PLCE1: variants seen among roughly 807,000 people sequenced by gnomAD.
PLCE1 encodes phospholipase C epsilon 1.
In PLCE1, 119 loss-of-function variants were observed where a neutral mutation model predicts 242.8. That is an observed-to-expected ratio of 0.49 (90% CI 0.42 to 0.57). The LOEUF (loss-of-function observed/expected upper bound fraction) is 0.57, where lower values mean the gene tolerates loss of function less well. Among genes scored for constraint, PLCE1 ranks in the 20% least tolerant of loss-of-function variants. The pLI is 0.00. For synonymous variants in PLCE1, 945 were observed against 1,017.4 expected, an observed-to-expected ratio of 0.93 and a Z score of 1.35; for missense variants, 2,441 against 2,788.8, an observed-to-expected ratio of 0.88 and a Z score of 2.81.
intron 2 of PLCE1, among the ~76,000 whole-genome samples, chr10:94,051,683 G>T (rs2043770825): frequency 6.6e-6 from 1 of 152,132 alleles, no homozygotes; most frequent in East Asian, 1.9e-4. Flanking sequence ...ATTGAAATGC[G>T]CTGGAACTGA....
chr10:94,059,380 G>T (rs1256048293), intron 2 of PLCE1, among the ~76,000 whole-genome samples: 1 of 152,192 alleles, frequency 6.6e-6, no homozygotes, highest in East Asian at 1.9e-4. Context: ...TAGAGGAAGG[G>T]TTATTGGAAC....
chr10:94,134,648 C>A (rs899064599), intron 3 of PLCE1, among the ~76,000 whole-genome samples: 1 of 152,180 alleles, frequency 6.6e-6, no homozygotes, highest in Admixed American at 6.5e-5. Flanking sequence ...GATCTCTAGG[C>A]TGCCCAACCA....
At chr10:94,264,148 T>C (rs1372593468) in intron 14 of PLCE1, among the ~76,000 whole-genome samples, 2 of 151,952 alleles carry the variant, frequency 1.3e-5, no homozygotes, top group African/African-American at 4.8e-5. Flanking sequence ...CTGAGTCAAG[T>C]AAAGGAATGG....
chr10:94,316,621 TAAAGA>T lies in PLCE1; in HGVS notation c.6214_6218del (p.Lys2072Ter). On this transcript the variant is annotated frameshift_variant, in exon 29 of 33. Coordinates refer to ENST00000371380, the MANE Select transcript of PLCE1 (RefSeq NM_016341.4). LOFTEE classifies it high-confidence loss of function. ...TGATGGAAGAAAAATATTTTATATC[TAAAGA>T]AAAGAATGAATGTAGGAAACAACCA... 3.1e-6 allele frequency: 5 copies of T among 1,608,172 alleles called. No individual in the cohort carries two copies. The highest frequency in any genetic ancestry group is 4.3e-6 in the Non-Finnish European group (5 of 1,174,784).
chr10:93,998,689 C>T (rs2060876340), intron 1 of PLCE1, among the ~76,000 whole-genome samples: 1 of 152,194 alleles, frequency 6.6e-6, no homozygotes. Flanking sequence ...TCCCCCAGGG[C>T]TCCTCAAGTC....
chr10:94,227,057 A>G, intron 4 of PLCE1: 1 of 404,292 alleles, frequency 2.5e-6, no homozygotes, highest in South Asian at 2.2e-5. Context: ...TTGTATTTTT[A>G]GTAGAAACGG....
chr10:94,308,931 G>A (rs533768200), intron 27 of PLCE1, among the ~76,000 whole-genome samples: 9 of 152,266 alleles, frequency 5.9e-5, no homozygotes, highest in African/African-American at 2.2e-4. Context: ...TTTTGCAGAT[G>A]AGAAAGGTAG....
intron 4 of PLCE1, among the ~76,000 whole-genome samples, chr10:94,194,927 C>T (rs1485317162): frequency 1.3e-5 from 2 of 152,100 alleles, no homozygotes. Context: ...CATTTAGAGG[C>T]TACCAAGAAG....
intron 7 of PLCE1, among the ~76,000 whole-genome samples, chr10:94,240,629 G>A (rs921610445): frequency 6.6e-6 from 1 of 152,028 alleles, no homozygotes; most frequent in African/African-American, 2.4e-5. Context: ...TGTTAAATTG[G>A]CAGGAAGCAA....
chr10:94,292,590 G>A (rs543934091), intron 22 of PLCE1, among the ~76,000 whole-genome samples: 9 of 152,306 alleles, frequency 5.9e-5, no homozygotes, highest in African/African-American at 2.2e-4. Context: ...AGTAACTTGT[G>A]TGAGATTGCC....
intron 2 of PLCE1, among the ~76,000 whole-genome samples, chr10:94,123,639 C>T (rs1487039021): frequency 6.6e-6 from 1 of 152,204 alleles, no homozygotes; most frequent in Middle Eastern, 3.2e-3. Context: ...TCAGGAAATT[C>T]GACAGTTCTT....
In PLCE1 at chr10:94,047,318, A is replaced by G. The variant is rs117873413; in HGVS notation, c.1206+15066A>G. 4.0e-3 allele frequency among the ~76,000 whole-genome samples: 614 copies of G among 152,312 alleles called. 13 individuals are homozygous for G. Among genetic ancestry groups the G allele is most frequent in the East Asian group, 0.037 (193 of 5,182 alleles). ...GAGAAGTGGGATATTAGTTCCTGCC[A>G]GGGGCCAGAATTGCTTGTCTCCCTA... On this transcript the variant is annotated intron_variant, in intron 2 of 32. Coordinates refer to ENST00000371380, the MANE Select transcript of PLCE1 (RefSeq NM_016341.4).
chr10:94,177,639 A>G (rs1356980782), intron 4 of PLCE1, among the ~76,000 whole-genome samples: 2 of 152,152 alleles, frequency 1.3e-5, no homozygotes, highest in African/African-American at 4.8e-5. Flanking sequence ...TCACTTTGAC[A>G]GTCTCAAATC....
intron 3 of PLCE1, among the ~76,000 whole-genome samples, chr10:94,166,521 C>G (rs562014899): frequency 6.6e-6 from 1 of 151,828 alleles, no homozygotes; most frequent in Non-Finnish European, 1.5e-5. Context: ...AAGTCAGAAT[C>G]CTGTAAGGTA....
chr10:94,285,870 T>C (rs987384822), intron 22 of PLCE1, among the ~76,000 whole-genome samples: 1 of 152,194 alleles, frequency 6.6e-6, no homozygotes, highest in African/African-American at 2.4e-5. Context: ...GACAGGCTGA[T>C]GAACCACTTT....
chr10:94,126,327 G>C (rs190333037), intron 2 of PLCE1, among the ~76,000 whole-genome samples: 2 of 152,280 alleles, frequency 1.3e-5, no homozygotes, highest in East Asian at 3.9e-4. Flanking sequence ...ACTTAGCAGT[G>C]ACCAAATATA....
chr10:94,305,760 A>G (rs1449641205), intron 25 of PLCE1, among the ~76,000 whole-genome samples: 3 of 152,390 alleles, frequency 2.0e-5, no homozygotes, highest in South Asian at 2.1e-4. Flanking sequence ...TTTTGAAGTT[A>G]TAAAATCCTG....
chr10:94,133,323 C>A (rs1426274937), intron 3 of PLCE1, among the ~76,000 whole-genome samples: 1 of 152,168 alleles, frequency 6.6e-6, no homozygotes, highest in Non-Finnish European at 1.5e-5. Context: ...ATGAACTTCC[C>A]AGCTACTTCC....
At chr10:94,188,734 T>A (rs1266171231) in intron 4 of PLCE1, among the ~76,000 whole-genome samples, 1 of 152,152 alleles carries the variant, frequency 6.6e-6, no homozygotes, top group Admixed American at 6.5e-5. Context: ...GCCTCCCAAG[T>A]AGCTGGGTCT....
Sources: allele counts gnomAD v4.1 joint callset (sites outside exome capture counted in the v4.1 genomes callset), GRCh38; gene constraint gnomAD v4.1.1; transcripts MANE v1.5; gene names NCBI Gene and HGNC (gene_info 2026-07-23, HGNC 2026-07-21).